LRRC49: variants seen among roughly 807,000 people sequenced by gnomAD.
LRRC49 encodes the protein leucine-rich repeat-containing protein 49.
In LRRC49, 50 loss-of-function variants were observed where a neutral mutation model predicts 83.3. That is an observed-to-expected ratio of 0.60 (90% CI 0.48 to 0.76). The LOEUF (loss-of-function observed/expected upper bound fraction) is 0.76. LRRC49 is among the 30% of genes least tolerant of loss of function. The pLI, the probability that LRRC49 is intolerant of heterozygous loss-of-function variation, is 0.00. For missense variants in LRRC49, 704 were observed against 809.1 expected, an observed-to-expected ratio of 0.87 and a Z score of 1.58; for synonymous variants, 286 against 283.3, an observed-to-expected ratio of 1.01 and a Z score of -0.10.
intron 4 of LRRC49, 22 bp from the exon 5 acceptor site, chr15:70,904,530 A>C (rs1304557710): frequency 6.5e-7 from 1 of 1,533,996 alleles, no homozygotes; most frequent in East Asian, 2.3e-5. Context: ...TAACCTAATT[A>C]ACTTTTTAAC....
intron 14 of LRRC49, among the ~76,000 whole-genome samples, 178 bp downstream of exon 14, chr15:71,013,091 G>T (rs1166555272): frequency 6.6e-6 from 1 of 152,138 alleles, no homozygotes; most frequent in Non-Finnish European, 1.5e-5. Context: ...TTCTCGTATG[G>T]CTTATAGTCT....
intron 11 of LRRC49, among the ~76,000 whole-genome samples, chr15:70,995,674 A>G (rs914205246): frequency 6.6e-6 from 1 of 152,194 alleles, no homozygotes; most frequent in South Asian, 2.1e-4. Context: ...ACCTCTGATC[A>G]GTGGATTGCA....
intron 2 of LRRC49, among the ~76,000 whole-genome samples, chr15:70,884,359 C>A (rs1236340364): frequency 1.3e-5 from 2 of 151,952 alleles, no homozygotes; most frequent in Non-Finnish European, 2.9e-5. Flanking sequence ...ATCGTGAAAC[C>A]CCACCTCTAC....
intron 2 of LRRC49, among the ~76,000 whole-genome samples, chr15:70,886,050 G>A (rs1343963497): frequency 6.6e-6 from 1 of 151,970 alleles, no homozygotes; most frequent in Non-Finnish European, 1.5e-5. Flanking sequence ...CCAGAGATAC[G>A]GGAATTAAAA....
intron 1 of LRRC49, among the ~76,000 whole-genome samples, chr15:70,861,127 G>C (rs531443558): frequency 6.6e-6 from 1 of 152,114 alleles, no homozygotes; most frequent in Non-Finnish European, 1.5e-5. Context: ...ATATATTTTT[G>C]TCACAGACTT....
chr15:70,960,547 C>T lies in LRRC49; in HGVS notation c.774-3238C>T, dbSNP rs144186348. Among the ~76,000 whole-genome samples the T allele has an allele frequency of 2.4e-3, 359 of 152,124 alleles. 5 individuals are homozygous for T. Among genetic ancestry groups the T allele is most frequent in the Middle Eastern group, 0.021 (6 of 292 alleles). ...ATAATAAAGATTCCTTATAAAACTA[C>T]AGTAATCATGACAGTGTGGTATTGG... On this transcript the variant is annotated intron_variant, in intron 8 of 15. Coordinates refer to ENST00000260382, the MANE Select transcript of LRRC49 (RefSeq NM_017691.5).
chr15:70,895,758 G>A (rs1006693731), intron 2 of LRRC49, 91 bp from the exon 3 acceptor site: 4 of 696,988 alleles, frequency 5.7e-6, no homozygotes, highest in South Asian at 1.9e-5. Flanking sequence ...TGTACCATGT[G>A]TATCAGTTAT....
chr15:70,912,713 G>A (rs1269169445), intron 6 of LRRC49, among the ~76,000 whole-genome samples: 2 of 151,718 alleles, frequency 1.3e-5, no homozygotes, highest in East Asian at 1.9e-4. Flanking sequence ...GTCTTGCTCT[G>A]TCGCCCAGGC....
At chr15:70,946,629 A>C (rs1332058645) in intron 8 of LRRC49, among the ~76,000 whole-genome samples, 1 of 152,106 alleles carries the variant, frequency 6.6e-6, no homozygotes, top group South Asian at 2.1e-4. Flanking sequence ...GCTGGTTCAT[A>C]TGGTAGCTCT....
intron 7 of LRRC49, among the ~76,000 whole-genome samples, chr15:70,932,791 G>A (rs537726468): frequency 4.8e-4 from 68 of 141,730 alleles, no homozygotes; most frequent in Non-Finnish European, 5.7e-4. Context: ...GTACAGAGGC[G>A]CAATCTCGGC....
At chr15:70,926,076 C>T (rs1205943896) in intron 7 of LRRC49, among the ~76,000 whole-genome samples, 1 of 152,088 alleles carries the variant, frequency 6.6e-6, no homozygotes, top group Non-Finnish European at 1.5e-5. Context: ...TCTTGATATT[C>T]ATCCATTTTG....
chr15:70,934,719 A>G (rs1437745138), intron 7 of LRRC49, among the ~76,000 whole-genome samples: 1 of 152,190 alleles, frequency 6.6e-6, no homozygotes, highest in Non-Finnish European at 1.5e-5. Context: ...GGCATGCTGG[A>G]GCTCAAAGGG....
At chr15:70,967,118 C>T (rs34417759) in intron 9 of LRRC49, among the ~76,000 whole-genome samples, 6,799 of 152,146 alleles carry the variant, frequency 0.045, 201 homozygotes, top group Non-Finnish European at 0.065. Context: ...TAAAGGCATG[C>T]AAAATGCAGA....
rs762272734 is a variant in LRRC49, at chr15:70,900,974, A to G, written c.246A>G (p.Gln82=). The G allele has an allele frequency of 1.4e-5, 23 of 1,611,160 alleles. No homozygotes were observed. The highest frequency in any genetic ancestry group is 2.7e-5 in the African/African-American group (2 of 74,760). Residue 82 remains glutamine (Q), a synonymous_variant, in exon 4 of 16, where the codon CAA becomes CAG. Coordinates refer to ENST00000260382, the MANE Select transcript of LRRC49 (RefSeq NM_017691.5). ...SSSLSSFPIL[Q]RSSEEKILYS... is the part of the protein sequence containing the mutation. Reference sequence around the variant, plus strand: ...CATTGTCATCATTTCCTATTCTTCAACGTTCTTCTGAAGAGAAAATTCTTT... The same window carrying G: ...CATTGTCATCATTTCCTATTCTTCAGCGTTCTTCTGAAGAGAAAATTCTTT...
rs753124747 is a variant in LRRC49, at chr15:70,963,931, C to T, written c.920C>T (p.Thr307Met). The T allele has an allele frequency of 5.2e-5, 84 of 1,612,308 alleles. No homozygotes were observed. The highest frequency in any genetic ancestry group is 1.1e-4 in the South Asian group (10 of 90,780). Residue 307 changes from threonine (T) to methionine (M), a missense_variant and splice_region_variant, in exon 9 of 16, where the codon ACG becomes ATG. Transcript: ENST00000260382. ...CGCCAGCTAGATATGAAGAGAATCA[C>T]GGTGAGAACCCTTCCAAAGTGTTCA... ...QLRQLDMKRI[T>M]EEERRMASVL...
intron 1 of LRRC49, chr15:70,853,863 C>T: frequency 1.6e-6 from 2 of 1,243,942 alleles, no homozygotes; most frequent in Non-Finnish European, 1.0e-6. Flanking sequence ...TCGGGGCCCA[C>T]CTCCCGGGCC....
In LRRC49 at chr15:70,893,071, G is replaced by C. The variant is rs369241667; in HGVS notation, c.48+129G>C. 1.5e-5 allele frequency: 16 copies of C among 1,060,626 alleles called. No individual in the cohort carries two copies. The South Asian group carries it at 1.8e-4, about 12-fold the overall frequency. The allele number at this position is 1,060,626 out of a possible 1,614,324, so 65.7% of individuals were successfully genotyped here. A position where few individuals can be genotyped will look rare whatever the true frequency, so the allele number is the denominator to read the frequency against. ...GTCTACTCAAGCTATTGTCTGACCA[G>C]GGTTTGAGGTTCGTGGGCTGGACCA... is the stretch of plus-strand genomic sequence containing the variant. On this transcript the variant is annotated intron_variant, in intron 1 of 15. Transcript: ENST00000260382.
chr15:71,028,777 G>C (rs537715196), intron 14 of LRRC49, among the ~76,000 whole-genome samples: 1 of 152,078 alleles, frequency 6.6e-6, no homozygotes, highest in Non-Finnish European at 1.5e-5. Flanking sequence ...ATTTCTGTGG[G>C]ATCAGTGGTG....
intron 11 of LRRC49, among the ~76,000 whole-genome samples, chr15:70,986,350 A>G (rs967705041): frequency 6.6e-6 from 1 of 151,398 alleles, no homozygotes; most frequent in Non-Finnish European, 1.5e-5. Context: ...GGTCCTTCAC[A>G]TCCCTTGTAA....
Sources: gnomAD v4.1 joint callset for allele counts (sites outside exome capture counted in the v4.1 genomes callset) on GRCh38, gnomAD v4.1.1 for gene constraint, MANE v1.5 for transcripts, NCBI Gene and HGNC (gene_info 2026-07-23, HGNC 2026-07-21) for gene names.